Variants in TRIM3 observed in about 807,000 individuals in gnomAD.
TRIM3 encodes the protein tripartite motif containing 3.
Under a neutral mutation model 66.6 loss-of-function variants are expected in TRIM3, and 13 were observed. The observed-to-expected ratio is 0.20, with a 90% CI of 0.13 to 0.31. The LOEUF is 0.31. TRIM3 is among the 10% of genes least tolerant of loss of function. The probability of loss-of-function intolerance (pLI) is 1.00; values close to 1 mark genes in which losing one functional copy is unlikely to be tolerated. For missense variants in TRIM3, 711 were observed against 1,020.4 expected (o/e 0.70, Z 4.13); for synonymous variants, 406 against 411.7 (o/e 0.99, Z 0.17).
At chr11:6,465,956 T>G (rs543445342) in intron 1 of TRIM3, among the ~76,000 whole-genome samples, 3 of 152,340 alleles carry the variant, frequency 2.0e-5, no homozygotes, top group African/African-American at 7.2e-5. Context: ...GCTCAGTCTC[T>G]CACCAGCTAT....
Position 6,449,633 on chromosome 11 carries a change from A to C in TRIM3, c.1942-187T>G. On this transcript the variant is annotated intron_variant, in intron 10 of 11. Coordinates refer to ENST00000345851, the MANE Select transcript of TRIM3 (RefSeq NM_033278.4). This position sits in a 1 kb window ranked among gnomAD's most constrained non-coding sequence, Gnocchi z 5.3. ...TAGTAGACATCTCTTGCTGATGTCC[A>C]TTGGGAATATCAAATCTAACAGCTC... 2.0e-6 allele frequency: 1 copy of C among 507,638 alleles called. No individual in the cohort carries two copies. The highest frequency in any genetic ancestry group is 3.5e-6 in the Non-Finnish European group (1 of 289,594). 31.4% of individuals were successfully genotyped at this position (507,638 alleles called of 1,614,324 possible).
chr11:6,451,248 T>C, intron 8 of TRIM3, 23 bp downstream of exon 8: 2 of 1,613,446 alleles, frequency 1.2e-6, no homozygotes, highest in Non-Finnish European at 1.7e-6. Flanking sequence ...CCAGGGTAAG[T>C]AAAGTGACAG....
chr11:6,468,725 T>C (rs1850566008), intron 1 of TRIM3, among the ~76,000 whole-genome samples: 1 of 152,138 alleles, frequency 6.6e-6, no homozygotes, highest in South Asian at 2.1e-4. Flanking sequence ...ATGTAGACAA[T>C]ACATGGCAGG....
intron 2 of TRIM3, among the ~76,000 whole-genome samples, chr11:6,464,145 A>G (rs935185881): frequency 4.6e-5 from 7 of 152,222 alleles, no homozygotes; most frequent in African/African-American, 1.4e-4. Flanking sequence ...CAAAGGCTTC[A>G]TGTGGCTCTC....
Position 6,458,374 on chromosome 11 carries a change from C to CA in TRIM3, c.132-79_132-78insT. On this transcript the variant is annotated intron_variant, in intron 2 of 11. Coordinates refer to ENST00000345851, the MANE Select transcript of TRIM3 (RefSeq NM_033278.4). This position sits in a 1 kb window ranked among gnomAD's most constrained non-coding sequence, Gnocchi z 6.2. ...CCCTTCCTTATACTTCCCATGGGTG[C>CA]CAACCCCTTCCCTCACAGGTGTGCC... The CA allele has an allele frequency of 2.6e-6, 3 of 1,157,072 alleles. No homozygotes were observed. Among genetic ancestry groups the CA allele is most frequent in the African/African-American group, 1.5e-5 (1 of 65,754 alleles). 71.7% of individuals were successfully genotyped at this position (1,157,072 alleles called of 1,614,324 possible).
intron 1 of TRIM3, among the ~76,000 whole-genome samples, 181 bp downstream of exon 1, chr11:6,473,610 C>G (rs1850799246): frequency 6.6e-6 from 1 of 152,056 alleles, no homozygotes; most frequent in South Asian, 2.1e-4. Context: ...AGGGACCTCA[C>G]GTGAGCAGCC....
rs1268476585 is a variant in TRIM3 at position 6,450,661 on chromosome 11, T to C, written c.1871-40A>G. On this transcript the variant is annotated intron_variant, in intron 9 of 11. Coordinates refer to ENST00000345851, the MANE Select transcript of TRIM3 (RefSeq NM_033278.4). The surrounding 1 kb of genome is among the most constrained non-coding windows in gnomAD (Gnocchi z 4.8). ...TGGTCTTCAGGGCAGTAAGCTGGGATGCTGAGTGGGATGGGGAAGAGTATC... is the reference window on the plus strand; with the variant it reads ...TGGTCTTCAGGGCAGTAAGCTGGGACGCTGAGTGGGATGGGGAAGAGTATC... The C allele has an allele frequency of 6.3e-7, 1 of 1,590,274 alleles. No individual in the cohort carries two copies. The highest frequency in any genetic ancestry group is 1.1e-5 in the South Asian group (1 of 90,582).
Position 6,456,817 on chromosome 11 carries a change from G to A in TRIM3, c.909C>T (p.Asp303=), listed in dbSNP as rs769302628. ...NAQLELVLEV[D]GLRRSVLNLG... is the part of the protein sequence containing the mutation. ...GATTGAGCACCGATCGCCGCAGACC[G>A]TCCACCTCAAGGACCAGTTCCAGCT... Residue 303 remains aspartate, a synonymous_variant, in exon 6 of 12, where the codon GAC becomes GAT. Transcript: ENST00000345851. This position sits in a 1 kb window ranked among gnomAD's most constrained non-coding sequence, Gnocchi z 6.4. The A allele has an allele frequency of 8.1e-6, 13 of 1,612,680 alleles. No homozygotes were observed. The highest frequency in any genetic ancestry group is 2.7e-5 in the African/African-American group (2 of 74,946).
chr11:6,449,291 C>G lies in TRIM3; in HGVS notation c.2082+15G>C, dbSNP rs753369575. The stretch of plus-strand genomic sequence containing the variant: ...AGGAAACCGCCCCCTCATGTCATTC[C>G]CAGGCCTTACTCACCTGGATGCGGC... On this transcript the variant is annotated intron_variant, in intron 11 of 11. Transcript: ENST00000345851. This position sits in a 1 kb window ranked among gnomAD's most constrained non-coding sequence, Gnocchi z 5.3. 1 of 1,612,972 alleles carries G rather than the reference C, an allele frequency of 6.2e-7. No individual in the cohort carries two copies. The highest frequency in any genetic ancestry group is 1.1e-5 in the South Asian group (1 of 91,032).
Position 6,449,814 on chromosome 11 carries a change from CTA to C in TRIM3, c.1942-370_1942-369del, listed in dbSNP as rs943454702. On this transcript the variant is annotated intron_variant, in intron 10 of 11. Transcript: ENST00000345851. The surrounding 1 kb of genome is among the most constrained non-coding windows in gnomAD (Gnocchi z 5.3). The stretch of plus-strand genomic sequence containing the variant: ...TCCATCTCAAATCCCTCTCTCAAGT[CTA>C]TACCCTATGCATACACTGTCTCGTC... 11 of 224,664 alleles carry C rather than the reference CTA, an allele frequency of 4.9e-5. No homozygotes were observed. The highest frequency in any genetic ancestry group is 1.7e-3 in the Middle Eastern group (1 of 600). The allele number at this position is 224,664 out of a possible 1,614,324, so 13.9% of individuals were successfully genotyped here.
At position 6,457,460 on chromosome 11, in the gene TRIM3, C is replaced by T. The variant is rs61758091; in HGVS notation, c.532G>A (p.Ala178Thr). The change falls in exon 5 of 12, where the codon GCA (alanine) becomes ACA (threonine). Residue 178 changes from alanine to threonine, a missense_variant. Physicochemically the swap from Ala to Thr is moderately conservative, Grantham distance 58. Transcript: ENST00000345851. The surrounding 1 kb of genome is among the most constrained non-coding windows in gnomAD (Gnocchi z 4.5). Reference sequence around the variant, plus strand: ...ATGCCCCCGACTAAGGCAATTGCTGCGGACAGCTGTGGCAATCTGGAGGGG... The same window carrying T: ...ATGCCCCCGACTAAGGCAATTGCTGTGGACAGCTGTGGCAATCTGGAGGGG... ...AVRGRLPQLS[A>T]AIALVGGISQ... 2.7e-5 allele frequency: 43 copies of T among 1,612,702 alleles called. No homozygotes were observed. The highest frequency in any genetic ancestry group is 3.4e-5 in the Non-Finnish European group (40 of 1,179,980).
In TRIM3 at chr11:6,457,317, G is replaced by A. The variant is rs74471800; in HGVS notation, c.675C>T (p.Thr225=). The change falls in exon 5 of 12, where the codon ACC becomes ACT. Residue 225 remains threonine (T), a synonymous_variant. Transcript: ENST00000345851. The surrounding 1 kb of genome is among the most constrained non-coding windows in gnomAD (Gnocchi z 4.5). The stretch of plus-strand genomic sequence containing the variant: ...ACACCTTCTGTTTGGCCCCACAAAT[G>A]GTCTCCAGGTCGCTGACCAGAGCCT... The part of the protein sequence containing the change: ...RKQALVSDLE[T]ICGAKQKVLQ... 6.2e-7 allele frequency: 1 copy of A among 1,614,126 alleles called. No individual in the cohort carries two copies. Among genetic ancestry groups the A allele is most frequent in the East Asian group, 2.2e-5 (1 of 44,892 alleles).
intron 2 of TRIM3, among the ~76,000 whole-genome samples, chr11:6,460,672 C>T (rs1276280251): frequency 2.0e-5 from 3 of 152,138 alleles, no homozygotes; most frequent in Non-Finnish European, 4.4e-5. Context: ...TTACTAGAAA[C>T]AGACATCAGA....
At position 6,456,190 on chromosome 11, in the gene TRIM3, A is replaced by C. The variant is rs1247157940; in HGVS notation, c.1430-15T>G. The C allele has an allele frequency of 1.2e-6, 2 of 1,613,242 alleles. No homozygotes were observed. The highest frequency in any genetic ancestry group is 1.3e-5 in the African/African-American group (1 of 74,872). ...TCCACGACTGCCTGTGGGAAGGGAC[A>C]GGAGGGAAAACAAAATAATTCATTC... On this transcript the variant is annotated splice_polypyrimidine_tract_variant and intron_variant, in intron 6 of 11. Transcript: ENST00000345851. The surrounding 1 kb of genome is among the most constrained non-coding windows in gnomAD (Gnocchi z 6.4).
Position 6,448,930 on chromosome 11 carries a change from T to C in TRIM3, c.*98A>G. ...GGTGCACCCATGCCCACAGCCCACATTCAGTGCTGCCAGGTCTGGCCCACC... is the reference window on the plus strand; with the variant it reads ...GGTGCACCCATGCCCACAGCCCACACTCAGTGCTGCCAGGTCTGGCCCACC... On this transcript the variant is annotated 3_prime_UTR_variant, in exon 12 of 12. Coordinates refer to ENST00000345851, the MANE Select transcript of TRIM3 (RefSeq NM_033278.4). 1 of 1,507,428 alleles carries C rather than the reference T, an allele frequency of 6.6e-7. No homozygotes were observed. The highest frequency in any genetic ancestry group is 9.1e-7 in the Non-Finnish European group (1 of 1,093,888). The allele number at this position is 1,507,428 out of a possible 1,614,324, so 93.4% of individuals were successfully genotyped here.
In TRIM3 at chr11:6,450,911, G is replaced by A. The variant is rs767345417; in HGVS notation, c.1851C>T (p.Ala617=). ...KLVGRFGGRG[A]TDRHFAGPHF... ...CTATACCTGCAAAGTGGCGGTCAGTGGCCCCACGGCCCCCAAAACGGCCAA... is the reference window on the plus strand; with the variant it reads ...CTATACCTGCAAAGTGGCGGTCAGTAGCCCCACGGCCCCCAAAACGGCCAA... Residue 617 remains alanine, a synonymous_variant, in exon 9 of 12, where the codon GCC becomes GCT. Coordinates refer to ENST00000345851, the MANE Select transcript of TRIM3 (RefSeq NM_033278.4). This position sits in a 1 kb window ranked among gnomAD's most constrained non-coding sequence, Gnocchi z 4.8. The A allele has an allele frequency of 1.4e-5, 22 of 1,614,144 alleles. No homozygotes were observed. In the South Asian group the frequency reaches 2.1e-4, roughly 15 times the overall value.
chr11:6,464,612 C>G (rs1383702361), intron 2 of TRIM3, among the ~76,000 whole-genome samples: 1 of 152,182 alleles, frequency 6.6e-6, no homozygotes, highest in Non-Finnish European at 1.5e-5. Flanking sequence ...ACCTTAAATA[C>G]CCTACTTGAT....
Position 6,450,736 on chromosome 11 carries a change from T to C in TRIM3, c.1871-115A>G. 7.1e-7 allele frequency: 1 copy of C among 1,409,700 alleles called. No homozygotes were observed. The highest frequency in any genetic ancestry group is 1.2e-5 in the South Asian group (1 of 84,158). 87.3% of individuals were successfully genotyped at this position (1,409,700 alleles called of 1,614,324 possible). The stretch of plus-strand genomic sequence containing the variant: ...AGGAGAGGGGTGGGGTCTCCAGGAC[T>C]GAGACAAATTATTTCTGAGATGATA... On this transcript the variant is annotated intron_variant, in intron 9 of 11. Coordinates refer to ENST00000345851, the MANE Select transcript of TRIM3 (RefSeq NM_033278.4). The surrounding 1 kb of genome is among the most constrained non-coding windows in gnomAD (Gnocchi z 4.8).
chr11:6,454,264 G>A (rs1054636757), intron 7 of TRIM3, among the ~76,000 whole-genome samples: 2 of 151,908 alleles, frequency 1.3e-5, no homozygotes, highest in Non-Finnish European at 2.9e-5. Flanking sequence ...AGTGGCATGC[G>A]CCTGTAGTCC....
Sources: allele counts gnomAD v4.1 joint callset (sites outside exome capture counted in the v4.1 genomes callset), GRCh38; gene constraint gnomAD v4.1.1; non-coding constraint Gnocchi (gnomAD v3.1); transcripts MANE v1.5; gene names NCBI Gene and HGNC (gene_info 2026-07-23, HGNC 2026-07-21).